Variants in DAB1 observed in about 807,000 individuals in gnomAD.
DAB1 encodes disabled homolog 1.
DAB1 carries 15 observed loss-of-function variants against 64.6 expected under a neutral mutation model. The observed-to-expected ratio is 0.23, with a 90% CI of 0.16 to 0.36. The LOEUF (loss-of-function observed/expected upper bound fraction) is 0.36, where lower values mean the gene tolerates loss of function less well. Ranked by LOEUF, DAB1 falls within the 10% of genes least tolerant of loss-of-function variation. The pLI is 1.00. For synonymous variants in DAB1, 235 were observed against 251.9 expected (o/e 0.93, Z 0.64); for missense variants, 596 against 706.7 (o/e 0.84, Z 1.78).
chr1:57,317,448 AT>A (rs11388518), intron 1 of DAB1, among the ~76,000 whole-genome samples: 2 of 152,054 alleles, frequency 1.3e-5, no homozygotes. Flanking sequence ...TTAAAACACA[AT>A]TTTTTTTAGT....
intron 7 of DAB1, among the ~76,000 whole-genome samples, chr1:57,460,173 C>T (rs1408011836): frequency 6.6e-6 from 1 of 152,190 alleles, no homozygotes; most frequent in Non-Finnish European, 1.5e-5. Flanking sequence ...TTCCTTCCTC[C>T]AGAGGATGTA....
intron 7 of DAB1, among the ~76,000 whole-genome samples, chr1:57,539,660 G>C (rs968103174): frequency 1.3e-5 from 2 of 152,094 alleles, no homozygotes; most frequent in African/African-American, 4.8e-5. Flanking sequence ...CTGCCAAAGG[G>C]GGAAATCTAC....
At chr1:58,260,368 GAAGGTGATC>G (rs1237515775) in intron 4 of DAB1, among the ~76,000 whole-genome samples, 1 of 152,156 alleles carries the variant, frequency 6.6e-6, no homozygotes. Context: ...CCTGTTTCTT[GAAGGTGATC>G]CTGTCTGCCT....
intron 7 of DAB1, among the ~76,000 whole-genome samples, chr1:57,488,942 C>G (rs1387676263): frequency 6.6e-6 from 1 of 152,166 alleles, no homozygotes; most frequent in Admixed American, 6.5e-5. Flanking sequence ...TTTTATTACT[C>G]TACTACTATT....
chr1:57,094,291 G>A (rs493094), intron 4 of DAB1, among the ~76,000 whole-genome samples: 116,192 of 151,994 alleles, frequency 0.76, 44,679 homozygotes, highest in East Asian at 0.94. Context: ...GGCTATCTGT[G>A]TTTCCCCCTC....
At chr1:57,542,426 T>C (rs1278764916) in intron 7 of DAB1, among the ~76,000 whole-genome samples, 3 of 149,480 alleles carry the variant, frequency 2.0e-5, no homozygotes, top group Admixed American at 6.7e-5. Flanking sequence ...GGGGTAGGAA[T>C]TAAGGGAAGG....
chr1:57,131,842 C>T lies in DAB1; in HGVS notation c.306+4701G>A, dbSNP rs550773539. On this transcript the variant is annotated intron_variant, in intron 4 of 14. Transcript: ENST00000371236. ...TTGTGTACATTTGCTGATTCTTAAC[C>T]GTGAAGTCATTTTAGTTTTTATGTA... Among the ~76,000 whole-genome samples the T allele has an allele frequency of 7.4e-4, 113 of 152,132 alleles. 2 individuals are homozygous for T. In the South Asian group the frequency reaches 0.023, roughly 31 times the overall value.
At chr1:57,750,737 C>T (rs1371100729) in intron 6 of DAB1, among the ~76,000 whole-genome samples, 4 of 152,120 alleles carry the variant, frequency 2.6e-5, no homozygotes, top group Non-Finnish European at 4.4e-5. Context: ...GTTCTGTTTG[C>T]CGGGCTGCAG....
At chr1:57,003,558 A>G (rs1019291247) in intron 14 of DAB1, among the ~76,000 whole-genome samples, 5 of 151,856 alleles carry the variant, frequency 3.3e-5, no homozygotes, top group Non-Finnish European at 5.9e-5. Flanking sequence ...AACCTTTGCC[A>G]TTTTAACCAC....
chr1:57,961,488 T>G (rs1288388222), intron 5 of DAB1, among the ~76,000 whole-genome samples: 1 of 149,538 alleles, frequency 6.7e-6, no homozygotes, highest in Non-Finnish European at 1.5e-5. Context: ...GTCCCCCACC[T>G]TCCTGTCATG....
intron 6 of DAB1, among the ~76,000 whole-genome samples, chr1:57,687,863 T>C (rs1042174188): frequency 6.6e-6 from 1 of 152,108 alleles, no homozygotes; most frequent in Non-Finnish European, 1.5e-5. Flanking sequence ...GGGCTAGCCA[T>C]ATGCAGAAGA....
intron 2 of DAB1, among the ~76,000 whole-genome samples, chr1:57,156,082 G>A (rs1293931089): frequency 1.3e-5 from 2 of 152,038 alleles, no homozygotes; most frequent in African/African-American, 4.8e-5. Context: ...TAGCAGGGCT[G>A]GGGTACACAT....
intron 5 of DAB1, among the ~76,000 whole-genome samples, chr1:58,141,388 A>G (rs910404454): frequency 6.6e-6 from 1 of 152,176 alleles, no homozygotes; most frequent in Admixed American, 6.5e-5. Context: ...TATCACGAGA[A>G]CAGCATGGGA....
chr1:58,414,250 C>T (rs565822779), intron 3 of DAB1, among the ~76,000 whole-genome samples: 2 of 152,294 alleles, frequency 1.3e-5, no homozygotes, highest in Non-Finnish European at 2.9e-5. Flanking sequence ...CAAACTAGGG[C>T]TACAGTACTT....
chr1:57,025,321 T>A (rs1646749459), intron 10 of DAB1, among the ~76,000 whole-genome samples: 1 of 152,180 alleles, frequency 6.6e-6, no homozygotes, highest in Non-Finnish European at 1.5e-5. Flanking sequence ...CTCCCTGCAA[T>A]CTCTGTCCTT....
chr1:57,076,698 T>C (rs980961386), intron 4 of DAB1, among the ~76,000 whole-genome samples: 2 of 152,228 alleles, frequency 1.3e-5, no homozygotes, highest in Admixed American at 6.5e-5. Context: ...CAGAGAACTA[T>C]AGTGTACCTA....
chr1:57,405,541 T>G (rs931428398), intron 1 of DAB1, among the ~76,000 whole-genome samples: 1 of 152,232 alleles, frequency 6.6e-6, no homozygotes, highest in Non-Finnish European at 1.5e-5. Flanking sequence ...AAAATATTTT[T>G]TGTTTTACCT....
intron 5 of DAB1, among the ~76,000 whole-genome samples, chr1:57,918,230 G>A (rs1644758314): frequency 6.6e-6 from 1 of 152,086 alleles, no homozygotes; most frequent in African/African-American, 2.4e-5. Flanking sequence ...AGGCATGGCT[G>A]TAATCCAATA....
intron 2 of DAB1, among the ~76,000 whole-genome samples, chr1:58,519,602 C>A (rs1234291197): frequency 1.3e-5 from 2 of 152,064 alleles, no homozygotes; most frequent in Non-Finnish European, 2.9e-5. Context: ...TCATTCAGAG[C>A]CAACAGAACT....
Sources: allele counts gnomAD v4.1 joint callset (sites outside exome capture counted in the v4.1 genomes callset), GRCh38; gene constraint gnomAD v4.1.1; transcripts MANE v1.5; gene names NCBI Gene and HGNC (gene_info 2026-07-23, HGNC 2026-07-21).